RGS7: variants seen among roughly 807,000 people sequenced by gnomAD.
RGS7 encodes the protein regulator of G-protein signaling 7.
A neutral mutation model predicts 81.1 loss-of-function variants in RGS7; 27 were observed. The observed-to-expected ratio is 0.33, with a 90% CI of 0.25 to 0.46. The LOEUF (loss-of-function observed/expected upper bound fraction) is 0.46, where lower values mean the gene tolerates loss of function less well. RGS7 is among the 20% of genes least tolerant of loss of function. The pLI is 1.00. For synonymous variants in RGS7, 208 were observed against 207.7 expected (o/e 1.00, Z -0.01); for missense variants, 396 against 607.4 (o/e 0.65, Z 3.66).
chr1:240,910,727 T>G (rs930748903), intron 6 of RGS7, among the ~76,000 whole-genome samples: 1 of 151,548 alleles, frequency 6.6e-6, no homozygotes, highest in African/African-American at 2.4e-5. Context: ...TGTCAATTAA[T>G]TTTTTTTTGA....
Position 240,800,709 on chromosome 1 carries a change from G to C in RGS7, c.1426C>G (p.Pro476Ala). ...KFAQNVGRNI[P>A]IFPCHKNCTP... ...CAGTTTTTATGGCATGGGAAAATAGGGATGTTTCTGCCCTATAAAAATAAA... is the reference window on the plus strand; with the variant it reads ...CAGTTTTTATGGCATGGGAAAATAGCGATGTTTCTGCCCTATAAAAATAAA... The change falls in exon 18 of 19, where the codon CCT becomes GCT. Residue 476 changes from proline to alanine, a missense_variant. Pro to Ala is a conservative substitution (Grantham distance 27, BLOSUM62 -1). Coordinates refer to ENST00000440928, the MANE Select transcript of RGS7 (RefSeq NM_001364886.1). 2 of 1,543,486 alleles carry C rather than the reference G, an allele frequency of 1.3e-6. No individual in the cohort carries two copies. The highest frequency in any genetic ancestry group is 1.8e-6 in the Non-Finnish European group (2 of 1,141,196).
At chr1:240,903,937 G>C (rs201636940) in intron 6 of RGS7, among the ~76,000 whole-genome samples, 1 of 152,150 alleles carries the variant, frequency 6.6e-6, no homozygotes. Context: ...GCAGGTGCTG[G>C]TGCCATGCTT....
At chr1:240,820,257 T>C (rs1483622654) in intron 10 of RGS7, among the ~76,000 whole-genome samples, 1 of 152,208 alleles carries the variant, frequency 6.6e-6, no homozygotes, top group Non-Finnish European at 1.5e-5. Context: ...CCATTTTTAG[T>C]TTTAATAGCA....
chr1:240,827,434 C>G (rs1398730995), intron 9 of RGS7, among the ~76,000 whole-genome samples: 1 of 152,220 alleles, frequency 6.6e-6, no homozygotes, highest in East Asian at 1.9e-4. Context: ...AAGAAATACT[C>G]GGACTGCACA....
At chr1:240,825,130 T>C (rs1692579628) in intron 10 of RGS7, among the ~76,000 whole-genome samples, 1 of 152,190 alleles carries the variant, frequency 6.6e-6, no homozygotes, top group Non-Finnish European at 1.5e-5. Flanking sequence ...TGTACAGACA[T>C]TTATCTCCTT....
intron 14 of RGS7, among the ~76,000 whole-genome samples, chr1:240,809,869 T>G (rs1048856915): frequency 3.3e-5 from 5 of 152,302 alleles, no homozygotes; most frequent in African/African-American, 1.2e-4. Context: ...TATGTGTGTA[T>G]GTATATAATG....
chr1:241,311,872 C>A (rs547486769), intron 2 of RGS7, among the ~76,000 whole-genome samples: 6 of 152,332 alleles, frequency 3.9e-5, no homozygotes, highest in South Asian at 2.1e-4. Flanking sequence ...AACTGGTTCT[C>A]TTTGTTCCTG....
At chr1:241,301,205 G>A (rs1371894683) in intron 2 of RGS7, among the ~76,000 whole-genome samples, 2 of 152,166 alleles carry the variant, frequency 1.3e-5, no homozygotes, top group Non-Finnish European at 1.5e-5. Flanking sequence ...TACTATTCCT[G>A]GGTCACTGAA....
At chr1:241,032,384 A>G (rs1196911993) in intron 3 of RGS7, among the ~76,000 whole-genome samples, 1 of 152,104 alleles carries the variant, frequency 6.6e-6, no homozygotes, top group Non-Finnish European at 1.5e-5. Flanking sequence ...GTATCCTTGC[A>G]GTATAATTTG....
chr1:241,277,050 T>C (rs936926029), intron 2 of RGS7, among the ~76,000 whole-genome samples: 5 of 152,216 alleles, frequency 3.3e-5, no homozygotes, highest in African/African-American at 9.6e-5. Context: ...TACTGTTTTT[T>C]ACTTAAAATA....
At chr1:240,985,362 T>C (rs1287128896) in intron 3 of RGS7, among the ~76,000 whole-genome samples, 1 of 152,246 alleles carries the variant, frequency 6.6e-6, no homozygotes, top group African/African-American at 2.4e-5. Context: ...TATTTTTTAT[T>C]GTGAAAAATG....
chr1:240,816,503 G>T, intron 10 of RGS7, 88 bp from the exon 11 acceptor site: 1 of 881,354 alleles, frequency 1.1e-6, no homozygotes, highest in South Asian at 1.4e-5. Flanking sequence ...CATAAATTCA[G>T]TAAGGTCTCT....
At chr1:241,306,251 GCACACATGTCCA>G (rs1465392369) in intron 2 of RGS7, among the ~76,000 whole-genome samples, 1 of 146,302 alleles carries the variant, frequency 6.8e-6, no homozygotes, top group Non-Finnish European at 1.5e-5. Context: ...ACACACATAA[GCACACATGTCCA>G]CACACATACA....
chr1:241,015,338 C>T (rs531065431), intron 3 of RGS7, among the ~76,000 whole-genome samples: 174 of 152,258 alleles, frequency 1.1e-3, no homozygotes, highest in African/African-American at 4.0e-3. Flanking sequence ...AATGCAGAAA[C>T]TATTCAATAA....
intron 6 of RGS7, among the ~76,000 whole-genome samples, chr1:240,906,078 T>G (rs1417658150): frequency 6.6e-6 from 1 of 152,112 alleles, no homozygotes; most frequent in Non-Finnish European, 1.5e-5. Flanking sequence ...GGCAATCCTC[T>G]GAAAGTATTT....
At chr1:241,343,690 G>A (rs2082710370) in intron 2 of RGS7, among the ~76,000 whole-genome samples, 2 of 152,170 alleles carry the variant, frequency 1.3e-5, no homozygotes, top group African/African-American at 2.4e-5. Flanking sequence ...GATTGCAATG[G>A]GACTGGTAGG....
chr1:240,920,214 G>C (rs1673276491), intron 6 of RGS7: 1 of 1,146,938 alleles, frequency 8.7e-7, no homozygotes, highest in Non-Finnish European at 1.3e-6. Flanking sequence ...GATAGCTAGT[G>C]CTTCATGCAG....
intron 3 of RGS7, among the ~76,000 whole-genome samples, chr1:240,994,552 C>G (rs73123725): frequency 1.3e-5 from 2 of 152,038 alleles, no homozygotes; most frequent in African/African-American, 4.8e-5. Context: ...ATTCTTAGTT[C>G]TAGAAGGTTT....
rs1176796485 is a variant in RGS7 at position 240,983,066 on chromosome 1, A to G, written c.226+13T>C. The G allele has an allele frequency of 4.7e-6, 7 of 1,475,450 alleles. No individual in the cohort carries two copies. The South Asian group carries it at 8.0e-5, about 17-fold the overall frequency. The allele number at this position is 1,475,450 out of a possible 1,614,324, so 91.4% of individuals were successfully genotyped here. A position where few individuals can be genotyped will look rare whatever the true frequency, so the allele number is the denominator to read the frequency against. ...AGAAAAAAGTTCTTGCAATGGGAAAATGATTTATTTACCTGGATCTTCTAT... is the reference window on the plus strand; with the variant it reads ...AGAAAAAAGTTCTTGCAATGGGAAAGTGATTTATTTACCTGGATCTTCTAT... On this transcript the variant is annotated intron_variant, in intron 4 of 18. Transcript: ENST00000440928.
Sources: gnomAD v4.1 joint callset for allele counts (sites outside exome capture counted in the v4.1 genomes callset) on GRCh38, gnomAD v4.1.1 for gene constraint, MANE v1.5 for transcripts, NCBI Gene and HGNC (gene_info 2026-07-23, HGNC 2026-07-21) for gene names.